The following ZPLD1 variants were observed in gnomAD, a reference collection of about 807,000 sequenced individuals.
The protein encoded by ZPLD1 is zona pellucida like domain containing 1.
A neutral mutation model predicts 47.2 loss-of-function variants in ZPLD1; 34 were observed. That is an observed-to-expected ratio of 0.72 (90% CI 0.55 to 0.96). The LOEUF is 0.96. Among genes scored for constraint, ZPLD1 ranks in the 40% least tolerant of loss-of-function variants. The pLI is 0.00. For missense variants in ZPLD1, 512 were observed against 505.8 expected, an observed-to-expected ratio of 1.01 and a Z score of -0.12; for synonymous variants, 176 against 186.2, an observed-to-expected ratio of 0.95 and a Z score of 0.45.
chr3:102,470,539 G>A, intron 10 of ZPLD1, 37 bp downstream of exon 10: 5 of 1,559,476 alleles, frequency 3.2e-6, no homozygotes, highest in South Asian at 1.1e-5. Flanking sequence ...AGTAATAGAC[G>A]GTTCCAAAAT....
chr3:102,429,826 A>C lies in ZPLD1; in HGVS notation c.-8-8654A>C, dbSNP rs889274647. On this transcript the variant is annotated intron_variant, in intron 8 of 17. Transcript: ENST00000491959. The stretch of plus-strand genomic sequence containing the variant: ...GATAAATACATAGATAAAAAAGATG[A>C]GAAATGCAATATCTAATTGGAATCT... Among the ~76,000 whole-genome samples the C allele has an allele frequency of 3.3e-5, 5 of 152,216 alleles. No homozygotes were observed. The South Asian group carries it at 8.3e-4, about 25-fold the overall frequency.
chr3:102,421,219 C>A (rs978882238), intron 8 of ZPLD1, among the ~76,000 whole-genome samples: 2 of 151,884 alleles, frequency 1.3e-5, no homozygotes, highest in African/African-American at 4.8e-5. Context: ...ACTACACTAT[C>A]TCTCAGTTGA....
At chr3:102,426,684 G>A (rs1330749018) in intron 8 of ZPLD1, among the ~76,000 whole-genome samples, 1 of 152,080 alleles carries the variant, frequency 6.6e-6, no homozygotes, top group Non-Finnish European at 1.5e-5. Context: ...GTGTTTAAAT[G>A]TAAGGGCTTA....
chr3:102,466,662 A>C (rs1707598029), intron 8 of ZPLD1, among the ~76,000 whole-genome samples: 1 of 152,200 alleles, frequency 6.6e-6, no homozygotes. Flanking sequence ...ATACAAAAAA[A>C]TGTGTGAGAG....
At chr3:102,425,817 C>T (rs1403485935) in intron 8 of ZPLD1, among the ~76,000 whole-genome samples, 1 of 151,408 alleles carries the variant, frequency 6.6e-6, no homozygotes, top group Non-Finnish European at 1.5e-5. Flanking sequence ...ACAACATTTA[C>T]TTTGATCCTT....
intron 3 of ZPLD1, among the ~76,000 whole-genome samples, chr3:102,451,647 C>T (rs756021967): frequency 3.3e-5 from 5 of 152,098 alleles, no homozygotes; most frequent in African/African-American, 7.2e-5. Context: ...GTTCAAAATC[C>T]AGGCAGGGCC....
At chr3:102,388,283 G>A (rs190334101) in intron 6 of ZPLD1, among the ~76,000 whole-genome samples, 19 of 152,074 alleles carry the variant, frequency 1.2e-4, no homozygotes, top group African/African-American at 4.1e-4. Context: ...TACTGAGAGA[G>A]TATACTCTCT....
At chr3:102,398,613 A>G (rs1706583149) in intron 7 of ZPLD1, among the ~76,000 whole-genome samples, 1 of 152,106 alleles carries the variant, frequency 6.6e-6, no homozygotes, top group Non-Finnish European at 1.5e-5. Flanking sequence ...TCTGTGGCAT[A>G]ATATCCAGGG....
chr3:102,388,786 TCA>T (rs1250558952), intron 6 of ZPLD1, among the ~76,000 whole-genome samples: 1 of 152,162 alleles, frequency 6.6e-6, no homozygotes, highest in Admixed American at 6.5e-5. Flanking sequence ...GTTAAAAATA[TCA>T]CAGTTAAAAA....
chr3:102,465,151 G>A (rs985018687), intron 8 of ZPLD1, among the ~76,000 whole-genome samples: 1 of 152,108 alleles, frequency 6.6e-6, no homozygotes, highest in African/African-American at 2.4e-5. Context: ...CATATTCTTT[G>A]ATTCTAGCTT....
In ZPLD1 at chr3:102,477,672, A is replaced by ACTG. The variant is rs1297218399; in HGVS notation, c.*56_*58dup. 63 of 1,478,892 alleles carry ACTG rather than the reference A, an allele frequency of 4.3e-5. No homozygotes were observed. The highest frequency in any genetic ancestry group is 5.5e-5 in the Non-Finnish European group (60 of 1,099,170). 91.6% of individuals were successfully genotyped at this position (1,478,892 alleles called of 1,614,324 possible). Reference sequence around the variant, plus strand: ...GGCTTCACTGACTAAACTATGTGTGACTGCAGTCAGTGTTCCGTCTGAATT... The same window carrying ACTG: ...GGCTTCACTGACTAAACTATGTGTGACTGCTGCAGTCAGTGTTCCGTCTGAATT... On this transcript the variant is annotated 3_prime_UTR_variant, in exon 12 of 12. Transcript: ENST00000466937.
At chr3:102,446,914 C>T (rs1448320293) in intron 3 of ZPLD1, among the ~76,000 whole-genome samples, 6 of 152,150 alleles carry the variant, frequency 3.9e-5, no homozygotes, top group Non-Finnish European at 8.8e-5. Flanking sequence ...CAGAGACTGG[C>T]ACATGATATG....
chr3:102,429,111 C>T (rs1706985490), intron 8 of ZPLD1, among the ~76,000 whole-genome samples: 1 of 152,056 alleles, frequency 6.6e-6, no homozygotes, highest in African/African-American at 2.4e-5. Context: ...GCAACATAAT[C>T]CTATTTATAG....
At chr3:102,455,056 C>T (rs971379009) in intron 4 of ZPLD1, among the ~76,000 whole-genome samples, 3 of 152,148 alleles carry the variant, frequency 2.0e-5, no homozygotes, top group East Asian at 3.8e-4. Flanking sequence ...AAGTTGGCTA[C>T]TAAGTCTCTG....
In ZPLD1 at chr3:102,476,940, T is replaced by C. The variant is rs547044300; in HGVS notation, c.1043-72T>C. 1.5e-4 allele frequency: 235 copies of C among 1,517,692 alleles called. 1 individual carries two copies. The highest frequency in any genetic ancestry group is 3.8e-4 in the South Asian group (34 of 88,358). 94.0% of individuals were successfully genotyped at this position (1,517,692 alleles called of 1,614,324 possible). ...TAAAAATGTAGGTACAATGTAATTATTAATCAGAATAAACAAAGGTAAATA... is the reference window on the plus strand; with the variant it reads ...TAAAAATGTAGGTACAATGTAATTACTAATCAGAATAAACAAAGGTAAATA... On this transcript the variant is annotated intron_variant, in intron 10 of 11. Coordinates refer to ENST00000466937, the MANE Select transcript of ZPLD1 (RefSeq NM_001329788.2).
At chr3:102,408,599 G>A (rs1353126418) in intron 7 of ZPLD1, among the ~76,000 whole-genome samples, 2 of 151,818 alleles carry the variant, frequency 1.3e-5, no homozygotes, top group African/African-American at 2.4e-5. Flanking sequence ...TTACAGGAAA[G>A]AGAGATTTCT....
At chr3:102,407,165 G>A (rs1706697191) in intron 7 of ZPLD1, among the ~76,000 whole-genome samples, 1 of 151,250 alleles carries the variant, frequency 6.6e-6, no homozygotes, top group Non-Finnish European at 1.5e-5. Flanking sequence ...AATGGATGAA[G>A]CTGTGCTCCA....
chr3:102,455,268 A>T (rs1319149098), intron 4 of ZPLD1, among the ~76,000 whole-genome samples: 4 of 152,228 alleles, frequency 2.6e-5, no homozygotes, highest in African/African-American at 9.6e-5. Context: ...ACAAGGTCGA[A>T]GAAGCTAGAA....
chr3:102,391,244 TA>T (rs1228646257), intron 6 of ZPLD1, among the ~76,000 whole-genome samples: 14 of 152,182 alleles, frequency 9.2e-5, no homozygotes, highest in Non-Finnish European at 1.8e-4. Flanking sequence ...GGCTAAACTA[TA>T]AAAGTATACT....
Sources: gnomAD v4.1 joint callset for allele counts (sites outside exome capture counted in the v4.1 genomes callset) on GRCh38, gnomAD v4.1.1 for gene constraint, MANE v1.5 for transcripts, NCBI Gene and HGNC (gene_info 2026-07-23, HGNC 2026-07-21) for gene names.